CALB2: variants seen among roughly 807,000 people sequenced by gnomAD.
The protein encoded by CALB2 is calbindin 2.
Under a neutral mutation model 45.9 loss-of-function variants are expected in CALB2, and 34 were observed. The observed-to-expected ratio is 0.74, with a 90% CI of 0.56 to 0.99. The LOEUF is 0.99. Among genes scored for constraint, CALB2 ranks in the 50% least tolerant of loss-of-function variants. The pLI, the probability that CALB2 is intolerant of heterozygous loss-of-function variation, is 0.00. For synonymous variants in CALB2, 142 were observed against 129.6 expected, an observed-to-expected ratio of 1.10 and a Z score of -0.65; for missense variants, 344 against 339.3, an observed-to-expected ratio of 1.01 and a Z score of -0.11.
rs533802153 is a variant in CALB2, at chr16:71,386,144, G to A, written c.699+496G>A. On this transcript the variant is annotated intron_variant, in intron 10 of 10. Transcript: ENST00000302628. ...TTCACTTTGCATAATGTCCTTGCAA[G>A]CTTATCCATGTTGTGGCATGTGTCA... Among the ~76,000 whole-genome samples, 13 of 152,328 alleles carry A rather than the reference G, an allele frequency of 8.5e-5. No homozygotes were observed. In the South Asian group the frequency reaches 1.9e-3, roughly 22 times the overall value.
At chr16:71,358,966 C>A in intron 1 of CALB2, 80 bp downstream of exon 1, 1 of 1,248,598 alleles carries the variant, frequency 8.0e-7, no homozygotes, top group Non-Finnish European at 1.1e-6. Context: ...GCGCTGAATG[C>A]GGGCAGGTGT....
chr16:71,382,089 A>G (rs548048526), intron 4 of CALB2, among the ~76,000 whole-genome samples: 91 of 143,300 alleles, frequency 6.4e-4, no homozygotes, highest in Non-Finnish European at 1.2e-3. Flanking sequence ...GAAGAAAGAA[A>G]GAGAAAGGAA....
At chr16:71,379,425 T>C (rs1382472388) in intron 4 of CALB2, among the ~76,000 whole-genome samples, 1 of 152,194 alleles carries the variant, frequency 6.6e-6, no homozygotes, top group Non-Finnish European at 1.5e-5. Flanking sequence ...TTGAACCATA[T>C]GAAATTGCTG....
intron 1 of CALB2, among the ~76,000 whole-genome samples, chr16:71,363,341 G>A (rs916482846): frequency 3.3e-5 from 5 of 152,188 alleles, no homozygotes; most frequent in African/African-American, 9.7e-5. Context: ...CCCAGGTGAC[G>A]TAGGGGGTGC....
chr16:71,389,646 T>G, intron 10 of CALB2, 103 bp from the exon 11 acceptor site: 1 of 826,170 alleles, frequency 1.2e-6, no homozygotes, highest in Non-Finnish European at 2.1e-6. Flanking sequence ...TGGGATGAGA[T>G]GAGAGAAAGG....
At chr16:71,385,138 G>A (rs1211348249) in intron 9 of CALB2, among the ~76,000 whole-genome samples, 3 of 152,134 alleles carry the variant, frequency 2.0e-5, no homozygotes, top group Non-Finnish European at 2.9e-5. Context: ...AACTGCCCTG[G>A]TGCCAGATCA....
At chr16:71,389,597 C>T in intron 10 of CALB2, 152 bp from the exon 11 acceptor site, 1 of 762,042 alleles carries the variant, frequency 1.3e-6, no homozygotes. Context: ...CTGTCTGACT[C>T]CAAAATCCAT....
chr16:71,384,861 G>A (rs1027189855), intron 9 of CALB2, 25 bp downstream of exon 9: 1 of 1,607,790 alleles, frequency 6.2e-7, no homozygotes, highest in African/African-American at 1.3e-5. Context: ...TGGCATGGCA[G>A]GGAAAATCAG....
chr16:71,362,738 A>G lies in CALB2; in HGVS notation c.94+3852A>G, dbSNP rs547331927. Among the ~76,000 whole-genome samples, 8 of 150,000 alleles carry G rather than the reference A, an allele frequency of 5.3e-5. No homozygotes were observed. The South Asian group carries it at 1.3e-3, about 25-fold the overall frequency. ...TATGTATGTTGCAGGATATTTAGAA[A>G]AATACAACTGAATAATAGCGGCTCT... On this transcript the variant is annotated intron_variant, in intron 1 of 10. Coordinates refer to ENST00000302628, the MANE Select transcript of CALB2 (RefSeq NM_001740.5).
chr16:71,380,314 T>C (rs1394544701), intron 4 of CALB2, among the ~76,000 whole-genome samples: 2 of 95,756 alleles, frequency 2.1e-5, no homozygotes, highest in African/African-American at 4.3e-5. Context: ...TTTTTTTTTT[T>C]TTTTTTTTTT....
At chr16:71,389,612 T>C (rs1407526380) in intron 10 of CALB2, 137 bp from the exon 11 acceptor site, 2 of 768,150 alleles carry the variant, frequency 2.6e-6, no homozygotes, top group African/African-American at 1.7e-5. Context: ...ATCCATGCTT[T>C]GCATTCATCT....
chr16:71,385,737 C>G (rs2042563520), intron 10 of CALB2, 89 bp downstream of exon 10: 1 of 980,648 alleles, frequency 1.0e-6, no homozygotes, highest in East Asian at 2.5e-5. Context: ...CCTGGTCCTG[C>G]TCTCTACTCC....
intron 4 of CALB2, among the ~76,000 whole-genome samples, chr16:71,379,535 GCT>G (rs1395988625): frequency 6.6e-6 from 1 of 152,100 alleles, no homozygotes; most frequent in Non-Finnish European, 1.5e-5. Flanking sequence ...ATTATTTCTT[GCT>G]CTCTTTCTGG....
intron 10 of CALB2, among the ~76,000 whole-genome samples, chr16:71,388,778 C>G (rs542199560): frequency 1.3e-5 from 2 of 149,662 alleles, no homozygotes; most frequent in South Asian, 2.1e-4. Flanking sequence ...GTCAGGAGTT[C>G]GAAACCAGCC....
intron 1 of CALB2, among the ~76,000 whole-genome samples, chr16:71,366,290 G>T (rs1172842754): frequency 9.8e-5 from 14 of 143,350 alleles, no homozygotes; most frequent in African/African-American, 3.4e-4. Context: ...CTCCCAAAGT[G>T]CTGGGATTAC....
At chr16:71,380,292 C>CTTTTTTTTTTTT (rs544138378) in intron 4 of CALB2, among the ~76,000 whole-genome samples, 7 of 43,814 alleles carry the variant, frequency 1.6e-4, no homozygotes, top group Non-Finnish European at 2.5e-4. Context: ...CCTTCCTTTT[C>CTTTTTTTTTTTT]TTTTTTTTTT....
At chr16:71,383,570 C>T (rs2042526460) in intron 6 of CALB2, 126 bp downstream of exon 6, 2 of 834,392 alleles carry the variant, frequency 2.4e-6, no homozygotes, top group East Asian at 5.3e-5. Flanking sequence ...TTCACAGTGG[C>T]AGCTGGCAAA....
chr16:71,359,149 C>A (rs1030595919), intron 1 of CALB2, among the ~76,000 whole-genome samples: 1 of 152,234 alleles, frequency 6.6e-6, no homozygotes. Flanking sequence ...GGAGCTTTCT[C>A]AGAGAGGTGG....
chr16:71,362,154 G>C (rs2042242939), intron 1 of CALB2, among the ~76,000 whole-genome samples: 1 of 152,184 alleles, frequency 6.6e-6, no homozygotes. Flanking sequence ...GGACACTTCT[G>C]TATCAGGACC....
Sources: allele counts gnomAD v4.1 joint callset (sites outside exome capture counted in the v4.1 genomes callset), GRCh38; gene constraint gnomAD v4.1.1; transcripts MANE v1.5; gene names NCBI Gene and HGNC (gene_info 2026-07-23, HGNC 2026-07-21).